FBLN5: variants seen among roughly 807,000 people sequenced by gnomAD.
FBLN5 encodes the protein fibulin 5, also known as fibulin-5.
In FBLN5, 24 loss-of-function variants were observed where a neutral mutation model predicts 61.6. The ratio of observed to expected loss-of-function variants is 0.39; its 90% CI spans 0.28 to 0.55. FBLN5 has a LOEUF of 0.55. Ranked by LOEUF, FBLN5 falls within the 20% of genes least tolerant of loss-of-function variation. FBLN5 has a pLI of 0.65. For synonymous variants in FBLN5, 213 were observed against 219.8 expected (o/e 0.97, Z 0.27); for missense variants, 470 against 594.1 (o/e 0.79, Z 2.17).
chr14:91,915,686 C>CAAAAAAAA (rs34675184), intron 4 of FBLN5, among the ~76,000 whole-genome samples: 13 of 43,730 alleles, frequency 3.0e-4, no homozygotes, highest in Admixed American at 3.6e-4. Context: ...GACTCCATCT[C>CAAAAAAAA]AAAAAAAAAA....
chr14:91,919,810 G>A (rs183511676), intron 4 of FBLN5, among the ~76,000 whole-genome samples: 1 of 152,316 alleles, frequency 6.6e-6, no homozygotes, highest in East Asian at 1.9e-4. Context: ...TGCCAACATT[G>A]TGATCCCAGA....
At chr14:91,891,641 A>G (rs1257778586) in intron 5 of FBLN5, among the ~76,000 whole-genome samples, 5 of 152,130 alleles carry the variant, frequency 3.3e-5, no homozygotes, top group East Asian at 1.9e-4. Context: ...GAGCTCTCCA[A>G]TTTTACCCAG....
intron 10 of FBLN5, among the ~76,000 whole-genome samples, chr14:91,877,158 T>C (rs1347046528): frequency 6.6e-6 from 1 of 152,192 alleles, no homozygotes; most frequent in Non-Finnish European, 1.5e-5. Context: ...AGGAGGTACT[T>C]AAGAAATACT....
chr14:91,899,237 C>G (rs1467762015), intron 4 of FBLN5, among the ~76,000 whole-genome samples: 1 of 152,178 alleles, frequency 6.6e-6, no homozygotes, highest in Non-Finnish European at 1.5e-5. Context: ...TACCCAGAAG[C>G]AGACTTTACT....
intron 2 of FBLN5, chr14:91,941,889 T>C (rs1241336550): frequency 3.3e-6 from 1 of 301,558 alleles, no homozygotes; most frequent in Non-Finnish European, 6.6e-6. Context: ...CCTTGGGGCC[T>C]ACCTGTCTTC....
intron 4 of FBLN5, among the ~76,000 whole-genome samples, chr14:91,911,351 C>T (rs182216083): frequency 6.6e-6 from 1 of 152,174 alleles, no homozygotes; most frequent in Admixed American, 6.5e-5. Context: ...TTCGTTTCCT[C>T]GTTTGTGAAA....
At position 91,939,012 on chromosome 14, in the gene FBLN5, G is replaced by A. The variant is rs150873168; in HGVS notation, c.124+1553C>T. On this transcript the variant is annotated intron_variant, in intron 3 of 10. Transcript: ENST00000342058. ...TCAAAACGTAAGCCCAGATTTCCCA[G>A]GACAGGGTTTTATTCCTCACTGTTC... Among the ~76,000 whole-genome samples, 299 of 152,268 alleles carry A rather than the reference G, an allele frequency of 2.0e-3. 3 individuals are homozygous for A. The highest frequency in any genetic ancestry group is 6.6e-3 in the African/African-American group (275 of 41,538).
intron 4 of FBLN5, among the ~76,000 whole-genome samples, chr14:91,924,758 T>C (rs955980034): frequency 2.0e-5 from 3 of 152,160 alleles, no homozygotes; most frequent in Admixed American, 6.5e-5. Context: ...ATCACAGCTA[T>C]GGAGTGTGAG....
At chr14:91,929,987 C>A (rs2055896491) in intron 4 of FBLN5, among the ~76,000 whole-genome samples, 4 of 152,318 alleles carry the variant, frequency 2.6e-5, no homozygotes, top group East Asian at 3.9e-4. Context: ...TTAACCCCAA[C>A]TCCTACTGCT....
chr14:91,870,448 C>A, intron 10 of FBLN5, 63 bp from the exon 11 acceptor site: 1 of 1,552,150 alleles, frequency 6.4e-7, no homozygotes, highest in South Asian at 1.1e-5. Flanking sequence ...GCAGCCCCAC[C>A]TGGGCGCTCC....
intron 1 of FBLN5, among the ~76,000 whole-genome samples, chr14:91,945,280 C>CTATTAT (rs1259792694): frequency 6.6e-6 from 1 of 151,378 alleles, no homozygotes; most frequent in Non-Finnish European, 1.5e-5. Context: ...TTATCTAGTA[C>CTATTAT]TATTATTCAG....
chr14:91,914,259 C>T (rs917658944), intron 4 of FBLN5, among the ~76,000 whole-genome samples: 2 of 151,934 alleles, frequency 1.3e-5, no homozygotes, highest in Admixed American at 6.6e-5. Context: ...AGGCAGATCA[C>T]GAGGTCAGGA....
intron 10 of FBLN5, chr14:91,873,952 T>C (rs1206682229): frequency 1.3e-5 from 2 of 152,370 alleles, no homozygotes; most frequent in African/African-American, 4.8e-5. Context: ...TTGCTCCTTC[T>C]TCTGGCCCTA....
At chr14:91,932,211 C>A (rs2055936262) in intron 4 of FBLN5, among the ~76,000 whole-genome samples, 1 of 152,222 alleles carries the variant, frequency 6.6e-6, no homozygotes, top group South Asian at 2.1e-4. Flanking sequence ...TGCCAGTTTT[C>A]TGAACAACAC....
At chr14:91,932,174 A>G (rs2055935508) in intron 4 of FBLN5, among the ~76,000 whole-genome samples, 1 of 152,184 alleles carries the variant, frequency 6.6e-6, no homozygotes, top group Non-Finnish European at 1.5e-5. Context: ...CTAATGAGCC[A>G]TGAGTCCCAT....
At chr14:91,889,567 T>G (rs1889890544) in intron 6 of FBLN5, among the ~76,000 whole-genome samples, 1 of 152,224 alleles carries the variant, frequency 6.6e-6, no homozygotes, top group Non-Finnish European at 1.5e-5. Context: ...ATTTCCTCAG[T>G]GAAGCAGAGC....
intron 4 of FBLN5, among the ~76,000 whole-genome samples, chr14:91,900,655 C>A (rs1200088412): frequency 6.6e-6 from 1 of 152,216 alleles, no homozygotes; most frequent in South Asian, 2.1e-4. Flanking sequence ...CAGGCTCCCA[C>A]ATTTGGTAAC....
chr14:91,876,451 C>T (rs1889166158), intron 10 of FBLN5, among the ~76,000 whole-genome samples: 1 of 152,162 alleles, frequency 6.6e-6, no homozygotes, highest in Non-Finnish European at 1.5e-5. Context: ...TCCTTGGAAC[C>T]CGTTCCGTTA....
chr14:91,911,431 C>T (rs1244934056), intron 4 of FBLN5, among the ~76,000 whole-genome samples: 2 of 152,154 alleles, frequency 1.3e-5, no homozygotes, highest in Non-Finnish European at 2.9e-5. Flanking sequence ...GCTCTTTACA[C>T]AGTACCAGGC....
Sources: gnomAD v4.1 joint callset for allele counts (sites outside exome capture counted in the v4.1 genomes callset) on GRCh38, gnomAD v4.1.1 for gene constraint, MANE v1.5 for transcripts, NCBI Gene and HGNC (gene_info 2026-07-23, HGNC 2026-07-21) for gene names.